Variants in NRP2 observed in about 807,000 individuals in gnomAD.
NRP2 encodes the protein neuropilin 2, also known as neuropilin-2.
Under a neutral mutation model 110.4 loss-of-function variants are expected in NRP2, and 52 were observed. That is an observed-to-expected ratio of 0.47 (90% CI 0.38 to 0.59). The LOEUF (loss-of-function observed/expected upper bound fraction) is 0.59. Ranked by LOEUF, NRP2 falls within the 20% of genes least tolerant of loss-of-function variation. NRP2 has a pLI of 0.00. For synonymous variants in NRP2, 508 were observed against 468.9 expected, an observed-to-expected ratio of 1.08 and a Z score of -1.08; for missense variants, 1,049 against 1,203.0, an observed-to-expected ratio of 0.87 and a Z score of 1.89.
chr2:205,733,908 G>T (rs183470891), intron 7 of NRP2, among the ~76,000 whole-genome samples: 2 of 152,168 alleles, frequency 1.3e-5, no homozygotes, highest in Admixed American at 1.3e-4. Context: ...CGTCTCGATG[G>T]GGGTAACATA....
At chr2:205,776,909 G>C (rs2058109690) in intron 15 of NRP2, 1 of 1,197,056 alleles carries the variant, frequency 8.4e-7, no homozygotes. Flanking sequence ...CAGGAGACGT[G>C]AGGGGAAGCC....
At chr2:205,776,870 C>CCCATA in intron 15 of NRP2, 1 of 1,228,344 alleles carries the variant, frequency 8.1e-7, no homozygotes. Context: ...CTTGCCTTAT[C>CCCATA]CCATACCTCC....
chr2:205,757,983 G>A (rs779673264), intron 12 of NRP2, among the ~76,000 whole-genome samples: 1 of 151,794 alleles, frequency 6.6e-6, no homozygotes, highest in Non-Finnish European at 1.5e-5. Context: ...TGACAAGACA[G>A]CCTCAATGGC....
Position 205,765,568 on chromosome 2 carries a change from T to C in NRP2, c.2402T>C (p.Met801Thr), listed in dbSNP as rs1238554121. The C allele has an allele frequency of 6.2e-7, 1 of 1,611,180 alleles. No homozygotes were observed. Among genetic ancestry groups the C allele is most frequent in the Non-Finnish European group, 8.5e-7 (1 of 1,177,320 alleles). Reference protein sequence around the residue: ...ISTDVPLENCMEPISAFAVDI... With the variant: ...ISTDVPLENCTEPISAFAVDI... Reference sequence around the variant, plus strand: ...ACTGATGTCCCACTGGAGAACTGCATGGGTATGTGAATATCTGTCTCTTCA... The same window carrying C: ...ACTGATGTCCCACTGGAGAACTGCACGGGTATGTGAATATCTGTCTCTTCA... The change falls in exon 14 of 17, where the codon ATG (methionine) becomes ACG (threonine). Residue 801 changes from methionine to threonine, a missense_variant and splice_region_variant. Coordinates refer to ENST00000357785, the MANE Select transcript of NRP2 (RefSeq NM_003872.3).
chr2:205,761,238 A>G (rs2057816518), intron 12 of NRP2, among the ~76,000 whole-genome samples: 1 of 152,188 alleles, frequency 6.6e-6, no homozygotes, highest in East Asian at 1.9e-4. Flanking sequence ...ATCATTCTCC[A>G]TTCATCCATT....
intron 7 of NRP2, among the ~76,000 whole-genome samples, chr2:205,732,009 G>A (rs915249355): frequency 7.9e-5 from 12 of 152,192 alleles, no homozygotes; most frequent in African/African-American, 2.9e-4. Flanking sequence ...ACGGCGCCTG[G>A]TCACCAGACT....
chr2:205,722,357 A>T lies in NRP2; in HGVS notation c.434-121A>T, dbSNP rs1429258794. The T allele has an allele frequency of 3.8e-6, 3 of 791,302 alleles. No individual in the cohort carries two copies. The African/African-American group carries it at 5.1e-5, about 13-fold the overall frequency. 49.0% of individuals were successfully genotyped at this position (791,302 alleles called of 1,614,324 possible). ...AGTATGTTGCTTCAAGGGCCACTCC[A>T]GTAGCAACAAAAACCTCAAGAGCAG... On this transcript the variant is annotated intron_variant, in intron 3 of 16. Transcript: ENST00000357785.
intron 15 of NRP2, 119 bp downstream of exon 15, chr2:205,766,922 G>T (rs2057931772): frequency 1.1e-6 from 1 of 879,824 alleles, no homozygotes; most frequent in Admixed American, 1.9e-5. Flanking sequence ...CAAGAGAAAA[G>T]AGACGCCACA....
intron 2 of NRP2, 64 bp from the exon 3 acceptor site, chr2:205,716,129 C>G: frequency 2.0e-6 from 3 of 1,533,586 alleles, no homozygotes; most frequent in Admixed American, 3.3e-5. Flanking sequence ...TAAGTGGGAG[C>G]GACACAGTGG....
chr2:205,694,035 T>G (rs1385191643), intron 1 of NRP2, among the ~76,000 whole-genome samples: 1 of 152,180 alleles, frequency 6.6e-6, no homozygotes, highest in Admixed American at 6.5e-5. Context: ...TCTTAAAAAT[T>G]AAATATTCGC....
intron 15 of NRP2, chr2:205,767,290 C>A (rs2057940748): frequency 4.8e-6 from 2 of 413,762 alleles, no homozygotes; most frequent in Non-Finnish European, 4.8e-6. Flanking sequence ...CTGTGTACAG[C>A]CTGCAGTCAG....
intron 15 of NRP2, among the ~76,000 whole-genome samples, chr2:205,785,443 GCT>G (rs2058225758): frequency 6.6e-6 from 1 of 152,150 alleles, no homozygotes; most frequent in Non-Finnish European, 1.5e-5. Flanking sequence ...TCCTTGAAAT[GCT>G]CTGTTTTTCC....
chr2:205,767,084 G>A (rs1426864951), intron 15 of NRP2: 2 of 511,896 alleles, frequency 3.9e-6, no homozygotes, highest in Non-Finnish European at 7.0e-6. Flanking sequence ...TGTCCAACGG[G>A]GAGCAATGAG....
intron 3 of NRP2, among the ~76,000 whole-genome samples, chr2:205,720,748 AG>A: frequency 6.6e-6 from 1 of 152,286 alleles, no homozygotes; most frequent in South Asian, 2.1e-4. Flanking sequence ...GCCATTGAGG[AG>A]GCCCTCAGGA....
rs746821393 is a variant in NRP2, at chr2:205,765,516, A to G, written c.2350A>G (p.Ile784Val). 1 of 1,614,074 alleles carries G rather than the reference A, an allele frequency of 6.2e-7. No individual in the cohort carries two copies. The highest frequency in any genetic ancestry group is 8.5e-7 in the Non-Finnish European group (1 of 1,179,988). ...GVIGKGRSGE[I>V]AIDDIRISTD... ...GATAGGGAAAGGACGTTCCGGAGAGATTGCCATTGATGACATTCGGATAAG... is the reference window on the plus strand; with the variant it reads ...GATAGGGAAAGGACGTTCCGGAGAGGTTGCCATTGATGACATTCGGATAAG... Residue 784 changes from isoleucine (I) to valine (V), a missense_variant, in exon 14 of 17, where the codon ATT (isoleucine) becomes GTT (valine). Coordinates refer to ENST00000357785, the MANE Select transcript of NRP2 (RefSeq NM_003872.3).
chr2:205,688,028 G>T (rs1482090702), intron 1 of NRP2, among the ~76,000 whole-genome samples: 4 of 152,196 alleles, frequency 2.6e-5, no homozygotes, highest in Non-Finnish European at 5.9e-5. Flanking sequence ...ACAATTCTGA[G>T]TTGACAGAAT....
intron 10 of NRP2, 151 bp downstream of exon 10, chr2:205,746,041 C>T (rs1042983449): frequency 3.1e-5 from 26 of 835,608 alleles, no homozygotes; most frequent in Admixed American, 3.9e-5. Flanking sequence ...CCTCAGACCA[C>T]GGGTACTGCA....
At chr2:205,755,664 C>A (rs1218262358) in intron 12 of NRP2, among the ~76,000 whole-genome samples, 1 of 151,164 alleles carries the variant, frequency 6.6e-6, no homozygotes, top group African/African-American at 2.4e-5. Context: ...AGGGAAGCAG[C>A]TGGCTTGGTT....
chr2:205,776,319 T>G, intron 15 of NRP2: 1 of 1,613,164 alleles, frequency 6.2e-7, no homozygotes, highest in Non-Finnish European at 8.5e-7. Context: ...CCTACTGGTA[T>G]TACGTAATGG....
Sources: gnomAD v4.1 joint callset for allele counts (sites outside exome capture counted in the v4.1 genomes callset) on GRCh38, gnomAD v4.1.1 for gene constraint, MANE v1.5 for transcripts, NCBI Gene and HGNC (gene_info 2026-07-23, HGNC 2026-07-21) for gene names.